Variants in KNL1 observed in about 807,000 individuals in gnomAD.
The protein encoded by KNL1 is outer kinetochore KNL1 complex subunit KNL1.
Under a neutral mutation model 201.3 loss-of-function variants are expected in KNL1, and 66 were observed. That is an observed-to-expected ratio of 0.33 (90% CI 0.27 to 0.40). The LOEUF is 0.40. Ranked by LOEUF, KNL1 falls within the 10% of genes least tolerant of loss-of-function variation. KNL1 has a pLI of 1.00. For missense variants in KNL1, 2,815 were observed against 2,690.5 expected, an observed-to-expected ratio of 1.05 and a Z score of -1.02; for synonymous variants, 895 against 899.2, an observed-to-expected ratio of 1.00 and a Z score of 0.08.
chr15:40,650,211 T>A, intron 17 of KNL1, 90 bp from the exon 18 acceptor site: 1 of 840,516 alleles, frequency 1.2e-6, no homozygotes, highest in South Asian at 1.8e-5. Flanking sequence ...AATAAATTGT[T>A]TTTGATTGAA....
In KNL1 at chr15:40,611,489, G is replaced by A. The variant is rs769781767; in HGVS notation, c.262G>A (p.Gly88Arg). 9 of 229,608 alleles carry A rather than the reference G, an allele frequency of 3.9e-5. No individual in the cohort carries two copies. The highest frequency in any genetic ancestry group is 1.6e-4 in the East Asian group (1 of 6,098). 14.2% of individuals were successfully genotyped at this position (229,608 alleles called of 1,614,324 possible). Residue 88 changes from glycine to arginine, a missense_variant, in exon 7 of 26, where the codon GGA becomes AGA. Physicochemically the swap from Gly to Arg is moderately radical, Grantham distance 125. This residue lies in a region of KNL1 where 2,464 missense variants were observed against 2,291.7 expected (regional missense o/e 1.08). Transcript: ENST00000399668. ...AATTTTATTTTTAGAAACAGAAACA[G>A]GAGAAAATCTTCTTTTGATACAGTA... Reference protein sequence around the residue: ...RKSEMEETETGENLLLIQNKK... With the variant: ...RKSEMEETETRENLLLIQNKK...
intron 1 of KNL1, among the ~76,000 whole-genome samples, chr15:40,598,382 C>A (rs941637574): frequency 2.6e-5 from 4 of 151,852 alleles, no homozygotes; most frequent in African/African-American, 9.7e-5. Flanking sequence ...CAAGCCTGGG[C>A]AGCCTAGTAG....
intron 24 of KNL1, among the ~76,000 whole-genome samples, chr15:40,658,245 A>C (rs1893791617): frequency 6.6e-6 from 1 of 151,638 alleles, no homozygotes; most frequent in Non-Finnish European, 1.5e-5. Context: ...CAGCCTGGGC[A>C]CAAAGAGACT....
chr15:40,629,026 T>G (rs1476594256), intron 12 of KNL1, among the ~76,000 whole-genome samples: 2 of 152,148 alleles, frequency 1.3e-5, no homozygotes, highest in African/African-American at 2.4e-5. Context: ...GAGCAAGGTC[T>G]TGTCTCAAAA....
intron 22 of KNL1, among the ~76,000 whole-genome samples, chr15:40,656,728 A>C (rs1893744983): frequency 6.6e-6 from 1 of 151,924 alleles, no homozygotes; most frequent in South Asian, 2.1e-4. Flanking sequence ...TCTACTAAAA[A>C]TACAAAAAGT....
intron 1 of KNL1, among the ~76,000 whole-genome samples, chr15:40,601,714 G>C (rs940710520): frequency 4.0e-5 from 6 of 150,856 alleles, no homozygotes; most frequent in South Asian, 2.1e-4. Context: ...CCAGCTACTC[G>C]GGAGGCTGAG....
rs373306816 is a variant in KNL1 at position 40,621,755 on chromosome 15, A to C, written c.1491A>C (p.Gln497His). ...TKSHTVAIDN[Q>H]IFKQDQSNVQ... ...GTCATACAGTTGCAATAGATAATCA[A>C]ATTTTTAAACAAGATCAATCAAATG... Residue 497 changes from glutamine to histidine, a missense_variant, in exon 10 of 26, where the codon CAA becomes CAC. By Grantham distance (24) the Gln-to-His change is conservative. Around this residue, in one of 3 missense-constraint regions of KNL1, gnomAD observed 2,464 missense variants for 2,291.7 expected, o/e 1.08. Transcript: ENST00000399668. 35 of 1,613,794 alleles carry C rather than the reference A, an allele frequency of 2.2e-5. No homozygotes were observed. The highest frequency in any genetic ancestry group is 4.4e-5 in the South Asian group (4 of 91,074).
intron 25 of KNL1, among the ~76,000 whole-genome samples, chr15:40,660,059 G>T (rs928830132): frequency 2.0e-5 from 3 of 151,808 alleles, no homozygotes; most frequent in African/African-American, 7.3e-5. Flanking sequence ...TTAAAGGCAA[G>T]CGCCACCACA....
intron 7 of KNL1, among the ~76,000 whole-genome samples, chr15:40,614,223 G>C (rs899366255): frequency 2.0e-5 from 3 of 151,034 alleles, no homozygotes; most frequent in Non-Finnish European, 2.9e-5. Flanking sequence ...TCAGCCTCCC[G>C]AGTACCTGGG....
intron 24 of KNL1, 78 bp downstream of exon 24, chr15:40,657,551 G>A: frequency 1.3e-6 from 1 of 763,874 alleles, no homozygotes; most frequent in Middle Eastern, 3.7e-4. Context: ...GGAGGCTGGA[G>A]GTCTGAGATT....
intron 8 of KNL1, among the ~76,000 whole-genome samples, chr15:40,616,188 A>G (rs1199484216): frequency 6.7e-6 from 1 of 149,974 alleles, no homozygotes; most frequent in Admixed American, 6.7e-5. Context: ...CAGTGGTGCA[A>G]TCTGGGCTCA....
chr15:40,659,932 G>GTGTGTGTGTGTGT (rs1555423685), intron 25 of KNL1, among the ~76,000 whole-genome samples: 2 of 147,242 alleles, frequency 1.4e-5, no homozygotes, highest in Non-Finnish European at 3.0e-5. Flanking sequence ...GTGTGTTTGA[G>GTGTGTGTGTGTGT]ATGGAGTCTC....
chr15:40,603,247 C>T (rs1891866684), intron 2 of KNL1, among the ~76,000 whole-genome samples: 1 of 152,168 alleles, frequency 6.6e-6, no homozygotes, highest in Non-Finnish European at 1.5e-5. Context: ...GTCCCTCACC[C>T]CCTGGCAGGC....
chr15:40,627,175 G>A (rs1007903372), intron 10 of KNL1, among the ~76,000 whole-genome samples: 9 of 152,194 alleles, frequency 5.9e-5, no homozygotes, highest in African/African-American at 1.9e-4. Flanking sequence ...GGTTACAGGC[G>A]TGAGCCACAG....
chr15:40,603,527 A>T (rs1205496022), intron 2 of KNL1, among the ~76,000 whole-genome samples: 1 of 152,170 alleles, frequency 6.6e-6, no homozygotes, highest in Non-Finnish European at 1.5e-5. Flanking sequence ...TAGTCCCGGC[A>T]CTTTGAGAGG....
intron 13 of KNL1, among the ~76,000 whole-genome samples, chr15:40,640,277 A>G (rs1437442178): frequency 6.6e-6 from 1 of 151,342 alleles, no homozygotes; most frequent in African/African-American, 2.4e-5. Context: ...TTGAATTTTT[A>G]ATAGAGACAG....
chr15:40,598,119 A>C (rs1358155155), intron 1 of KNL1, among the ~76,000 whole-genome samples: 1 of 151,214 alleles, frequency 6.6e-6, no homozygotes, highest in Non-Finnish European at 1.5e-5. Context: ...TGTTGTGGTG[A>C]GCTGAGATGG....
chr15:40,617,939 A>G (rs17747423), intron 8 of KNL1, among the ~76,000 whole-genome samples: 50,940 of 140,884 alleles, frequency 0.36, 9,858 homozygotes, highest in Non-Finnish European at 0.44. Context: ...TGTTGAAAAA[A>G]TGAATGGAAG....
chr15:40,650,506 ATGTT>A, intron 18 of KNL1, 34 bp from the exon 19 acceptor site: 1 of 1,542,436 alleles, frequency 6.5e-7, no homozygotes, highest in Non-Finnish European at 8.7e-7. Flanking sequence ...ACATTCTAAT[ATGTT>A]TGTTCTGTTT....
Sources: gnomAD v4.1 joint callset for allele counts (sites outside exome capture counted in the v4.1 genomes callset) on GRCh38, gnomAD v4.1.1 for gene constraint, gnomAD v4.1.1 regional missense constraint, MANE v1.5 for transcripts, NCBI Gene and HGNC (gene_info 2026-07-23, HGNC 2026-07-21) for gene names.